Variants in CTNND2 observed in about 807,000 individuals in gnomAD.
CTNND2 encodes the protein catenin delta 2.
A neutral mutation model predicts 144.4 loss-of-function variants in CTNND2; 22 were observed. The observed-to-expected ratio is 0.15, with a 90% CI of 0.11 to 0.22. CTNND2 has a LOEUF of 0.22. Ranked by LOEUF, CTNND2 falls within the 10% of genes least tolerant of loss-of-function variation. The pLI is 1.00. For missense variants in CTNND2, 1,353 were observed against 1,618.8 expected (o/e 0.84, Z 2.82); for synonymous variants, 751 against 695.6 (o/e 1.08, Z -1.25).
intron 1 of CTNND2, among the ~76,000 whole-genome samples, chr5:11,832,167 C>T (rs183759047): frequency 2.2e-4 from 33 of 152,148 alleles, no homozygotes; most frequent in Non-Finnish European, 4.4e-4. Context: ...GCCTGTAGTC[C>T]CAGCTACTTG....
At chr5:11,796,628 C>A (rs140777589) in intron 1 of CTNND2, among the ~76,000 whole-genome samples, 1 of 152,176 alleles carries the variant, frequency 6.6e-6, no homozygotes, top group Admixed American at 6.5e-5. Context: ...AGCATTTGCC[C>A]ATTTTTAAGG....
intron 1 of CTNND2, among the ~76,000 whole-genome samples, chr5:11,825,307 A>C (rs1353998211): frequency 1.3e-5 from 2 of 152,192 alleles, no homozygotes; most frequent in Non-Finnish European, 2.9e-5. Context: ...GAAAATAAAA[A>C]CACAACAACA....
intron 2 of CTNND2, among the ~76,000 whole-genome samples, chr5:11,587,697 ATACTT>A (rs1256696466): frequency 6.6e-6 from 1 of 152,156 alleles, no homozygotes; most frequent in East Asian, 1.9e-4. Flanking sequence ...TCATTTGAAA[ATACTT>A]TAAGTTTAGA....
chr5:11,588,914 G>A (rs1581570640), intron 2 of CTNND2: 3 of 985,220 alleles, frequency 3.0e-6, no homozygotes, highest in South Asian at 4.7e-5. Flanking sequence ...CGGCTAAAAG[G>A]AACCACAGAG....
At chr5:11,637,944 C>T (rs1443580788) in intron 2 of CTNND2, among the ~76,000 whole-genome samples, 1 of 152,016 alleles carries the variant, frequency 6.6e-6, no homozygotes. Flanking sequence ...AAACGAATAC[C>T]GTATCAGTCA....
chr5:11,661,678 G>C (rs527752267), intron 2 of CTNND2, among the ~76,000 whole-genome samples: 1 of 152,002 alleles, frequency 6.6e-6, no homozygotes, highest in South Asian at 2.1e-4. Context: ...GCTTTATTTG[G>C]GTTTAGCTAG....
chr5:11,480,646 A>ATGTGTGTGTGTGTGTGTGTGTGTG, intron 3 of CTNND2, among the ~76,000 whole-genome samples: 1 of 149,160 alleles, frequency 6.7e-6, no homozygotes, highest in African/African-American at 2.5e-5. Flanking sequence ...AAATACATAT[A>ATGTGTGTGTGTGTGTGTGTGTGTG]TGTGTGTGTG....
intron 12 of CTNND2, among the ~76,000 whole-genome samples, chr5:11,136,997 C>T (rs538190029): frequency 8.5e-5 from 13 of 152,362 alleles, no homozygotes; most frequent in Non-Finnish European, 1.8e-4. Flanking sequence ...CTGCTTACTG[C>T]CTCCTTCCTG....
At chr5:11,765,957 T>C (rs1170853471) in intron 1 of CTNND2, among the ~76,000 whole-genome samples, 1 of 152,194 alleles carries the variant, frequency 6.6e-6, no homozygotes, top group Admixed American at 6.5e-5. Context: ...AGTATAGAGA[T>C]AGAAAGCAAA....
chr5:11,714,004 A>T (rs1380055671), intron 2 of CTNND2, among the ~76,000 whole-genome samples: 5 of 152,166 alleles, frequency 3.3e-5, no homozygotes, highest in African/African-American at 1.2e-4. Flanking sequence ...CCTCGACAAC[A>T]AGTTCAATAT....
chr5:11,714,579 G>A (rs914138318), intron 2 of CTNND2, among the ~76,000 whole-genome samples: 1 of 152,108 alleles, frequency 6.6e-6, no homozygotes, highest in Non-Finnish European at 1.5e-5. Context: ...ATTTTAACTT[G>A]AGGATGATAC....
Position 11,171,532 on chromosome 5 carries a change from C to T in CTNND2, c.1976-11773G>A, listed in dbSNP as rs113109716. Among the ~76,000 whole-genome samples the T allele has an allele frequency of 2.5e-3, 380 of 152,272 alleles. 1 individual carries two copies. Among genetic ancestry groups the T allele is most frequent in the Middle Eastern group, 0.014 (4 of 294 alleles). ...TTTCCTCCAAACATATTCTCTTCTT[C>T]CTTTTGGTTTTTCAGCAGGTATTTT... is the stretch of plus-strand genomic sequence containing the variant. On this transcript the variant is annotated intron_variant, in intron 11 of 21. Coordinates refer to ENST00000304623, the MANE Select transcript of CTNND2 (RefSeq NM_001332.4).
At chr5:11,097,939 C>G (rs1280011940) in intron 15 of CTNND2, among the ~76,000 whole-genome samples, 2 of 152,146 alleles carry the variant, frequency 1.3e-5, no homozygotes, top group Non-Finnish European at 2.9e-5. Flanking sequence ...GAATGAATTA[C>G]TATGGTGAAT....
intron 9 of CTNND2, among the ~76,000 whole-genome samples, chr5:11,279,029 T>C (rs1746846540): frequency 6.6e-6 from 1 of 152,152 alleles, no homozygotes; most frequent in African/African-American, 2.4e-5. Flanking sequence ...GGGGTAATAA[T>C]ATAATTTGCT....
intron 3 of CTNND2, among the ~76,000 whole-genome samples, chr5:11,499,746 GT>G (rs1479487036): frequency 6.7e-6 from 1 of 149,948 alleles, no homozygotes; most frequent in African/African-American, 2.5e-5. Context: ...CAGTTGGTTT[GT>G]TTAAGTCAGA....
chr5:11,667,674 C>G (rs1783646066), intron 2 of CTNND2, among the ~76,000 whole-genome samples: 1 of 152,156 alleles, frequency 6.6e-6, no homozygotes, highest in Non-Finnish European at 1.5e-5. Context: ...AGCCCTTTGT[C>G]AGATGGATGG....
rs147035067 is a variant in CTNND2 at position 11,408,010 on chromosome 5, G to C, written c.439+3526C>G. ...AATGGGAGGCAGGAGAAGGAGATTG[G>C]GGGAGGGAGGAAAAAGAGATTATGA... On this transcript the variant is annotated intron_variant, in intron 5 of 21. Transcript: ENST00000304623. 9.5e-3 allele frequency among the ~76,000 whole-genome samples: 1,441 copies of C among 152,114 alleles called. 13 individuals carry two copies. Among genetic ancestry groups the C allele is most frequent in the Admixed American group, 0.016 (237 of 15,256 alleles).
intron 3 of CTNND2, among the ~76,000 whole-genome samples, chr5:11,509,059 G>C (rs1390583206): frequency 2.6e-5 from 4 of 152,182 alleles, no homozygotes; most frequent in African/African-American, 9.7e-5. Context: ...ATTTAACTTT[G>C]ACACAGGTAA....
intron 3 of CTNND2, among the ~76,000 whole-genome samples, chr5:11,530,743 G>C (rs31785): frequency 6.6e-6 from 1 of 152,082 alleles, no homozygotes; most frequent in Admixed American, 6.5e-5. Flanking sequence ...CACTCATTTC[G>C]TCTACAACTA....
Sources: allele counts gnomAD v4.1 joint callset (sites outside exome capture counted in the v4.1 genomes callset), GRCh38; gene constraint gnomAD v4.1.1; transcripts MANE v1.5; gene names NCBI Gene and HGNC (gene_info 2026-07-23, HGNC 2026-07-21).